ZBED4: variants seen among roughly 807,000 people sequenced by gnomAD.
The protein encoded by ZBED4 is zinc finger BED-type containing 4.
Under a neutral mutation model 15.5 loss-of-function variants are expected in ZBED4, and 4 were observed. The ratio of observed to expected loss-of-function variants is 0.26; its 90% CI spans 0.13 to 0.59. The LOEUF is 0.59. Among genes scored for constraint, ZBED4 ranks in the 20% least tolerant of loss-of-function variants. The pLI, the probability that ZBED4 is intolerant of heterozygous loss-of-function variation, is 0.90. For synonymous variants in ZBED4, 692 were observed against 608.5 expected (o/e 1.14, Z -2.02); for missense variants, 1,323 against 1,461.8 (o/e 0.91, Z 1.55).
chr22:49,873,905 G>T (rs1290580767), intron 1 of ZBED4, among the ~76,000 whole-genome samples: 2 of 152,246 alleles, frequency 1.3e-5, no homozygotes, highest in Admixed American at 6.5e-5. Context: ...GAACATAAGG[G>T]CTGGGGAATG....
intron 1 of ZBED4, among the ~76,000 whole-genome samples, chr22:49,870,272 T>A (rs2060340418): frequency 6.6e-6 from 1 of 152,238 alleles, no homozygotes; most frequent in Admixed American, 6.5e-5. Context: ...TTGTAAATAG[T>A]GCTGTGATGA....
chr22:49,872,617 C>G (rs1322324631), intron 1 of ZBED4, among the ~76,000 whole-genome samples: 1 of 152,186 alleles, frequency 6.6e-6, no homozygotes, highest in Non-Finnish European at 1.5e-5. Flanking sequence ...GCAGTCTCAA[C>G]CTCTTGGTCT....
chr22:49,872,505 C>T (rs1358871333), intron 1 of ZBED4, among the ~76,000 whole-genome samples: 1 of 152,120 alleles, frequency 6.6e-6, no homozygotes, highest in East Asian at 1.9e-4. Context: ...TTGGTATTTT[C>T]CCGTCCCAGG....
Position 49,889,503 on chromosome 22 carries a change from C to G in ZBED4, c.*2325C>G, listed in dbSNP as rs561449844. On this transcript the variant is annotated 3_prime_UTR_variant, in exon 2 of 2. Transcript: ENST00000216268. Reference sequence around the variant, plus strand: ...TTTTTAAGCTTTCAGCTTCATGCTGCTGTATTTTTAGTTGAAGTGTTCTGA... The same window carrying G: ...TTTTTAAGCTTTCAGCTTCATGCTGGTGTATTTTTAGTTGAAGTGTTCTGA... 6.0e-6 allele frequency: 1 copy of G among 167,090 alleles called. No individual in the cohort carries two copies. The highest frequency in any genetic ancestry group is 1.9e-4 in the East Asian group (1 of 5,296). The allele number at this position is 167,090 out of a possible 1,614,324, so 10.4% of individuals were successfully genotyped here. A position where few individuals can be genotyped will look rare whatever the true frequency, so the allele number is the denominator to read the frequency against.
chr22:49,885,681 T>C lies in ZBED4; in HGVS notation c.2019T>C (p.Tyr673=). ...AEMIALDLQP[Y]SFVDNVGFNR... ...TGATTGCACTTGACCTCCAGCCATA[T>C]TCTTTTGTAGACAACGTTGGCTTTA... Residue 673 remains tyrosine (Y), a synonymous_variant, in exon 2 of 2, where the codon TAT becomes TAC. Transcript: ENST00000216268. The C allele has an allele frequency of 6.2e-7, 1 of 1,612,492 alleles. No individual in the cohort carries two copies. The highest frequency in any genetic ancestry group is 8.5e-7 in the Non-Finnish European group (1 of 1,178,620).
chr22:49,867,859 C>G (rs1360233425), intron 1 of ZBED4, among the ~76,000 whole-genome samples: 1 of 152,208 alleles, frequency 6.6e-6, no homozygotes, highest in African/African-American at 2.4e-5. Context: ...TTAGTCCAGC[C>G]CCCCTCAAAT....
chr22:49,864,184 C>A (rs1217837850), intron 1 of ZBED4, among the ~76,000 whole-genome samples: 1 of 152,228 alleles, frequency 6.6e-6, no homozygotes, highest in African/African-American at 2.4e-5. Context: ...GCAGGGCGTT[C>A]ACATGGGTGT....
Position 49,889,348 on chromosome 22 carries a change from G to A in ZBED4, c.*2170G>A, listed in dbSNP as rs980698219. The A allele has an allele frequency of 9.6e-5, 16 of 167,088 alleles. No homozygotes were observed. The highest frequency in any genetic ancestry group is 3.9e-4 in the African/African-American group (16 of 41,462). 10.4% of individuals were successfully genotyped at this position (167,088 alleles called of 1,614,324 possible). ...GCTGCGACGGGAGAACTGAATAGTT[G>A]TGACAGAGACCACAGGCCCACTGAA... On this transcript the variant is annotated 3_prime_UTR_variant, in exon 2 of 2. Coordinates refer to ENST00000216268, the MANE Select transcript of ZBED4 (RefSeq NM_014838.3).
At chr22:49,870,023 A>G (rs1315035024) in intron 1 of ZBED4, among the ~76,000 whole-genome samples, 2 of 152,136 alleles carry the variant, frequency 1.3e-5, no homozygotes, top group Admixed American at 1.3e-4. Context: ...TCTCATCTTT[A>G]TGTCCCTGTG....
chr22:49,874,066 C>G (rs775734189), intron 1 of ZBED4, among the ~76,000 whole-genome samples: 1 of 152,250 alleles, frequency 6.6e-6, no homozygotes. Flanking sequence ...AGAGGCCTTA[C>G]AACCTTTATG....
rs1247980051 is a variant in ZBED4, at chr22:49,884,717, A to T, written c.1055A>T (p.Tyr352Phe). 1.3e-6 allele frequency: 2 copies of T among 1,595,852 alleles called. No individual in the cohort carries two copies. Among genetic ancestry groups the T allele is most frequent in the East Asian group, 2.2e-5 (1 of 44,670 alleles). The change falls in exon 2 of 2, where the codon TAC becomes TTC. Residue 352 changes from tyrosine to phenylalanine, a missense_variant. By Grantham distance (22) the Tyr-to-Phe change is conservative. Coordinates refer to ENST00000216268, the MANE Select transcript of ZBED4 (RefSeq NM_014838.3). ...GGGGGCACGGGCATCCCGCCACTGTACTCCACCCCTCCCACTCTGCTGCCT... is the reference window on the plus strand; with the variant it reads ...GGGGGCACGGGCATCCCGCCACTGTTCTCCACCCCTCCCACTCTGCTGCCT... ...ENGGTGIPPL[Y>F]STPPTLLPSL...
At chr22:49,864,006 T>A (rs1601785403) in intron 1 of ZBED4, among the ~76,000 whole-genome samples, 1 of 152,322 alleles carries the variant, frequency 6.6e-6, no homozygotes, top group East Asian at 1.9e-4. Flanking sequence ...TGTGCTCATC[T>A]TGTATTTTTC....
rs2060460378 is a variant in ZBED4 at position 49,890,061 on chromosome 22, C to T, written c.*2883C>T. 6.1e-6 allele frequency: 1 copy of T among 164,758 alleles called. No individual in the cohort carries two copies. Among genetic ancestry groups the T allele is most frequent in the Admixed American group, 6.5e-5 (1 of 15,270 alleles). 10.2% of individuals were successfully genotyped at this position (164,758 alleles called of 1,614,324 possible). A position where few individuals can be genotyped will look rare whatever the true frequency, so the allele number is the denominator to read the frequency against. On this transcript the variant is annotated 3_prime_UTR_variant, in exon 2 of 2. Coordinates refer to ENST00000216268, the MANE Select transcript of ZBED4 (RefSeq NM_014838.3). The stretch of plus-strand genomic sequence containing the variant: ...GTAAAAGATGATAAAAAAATAAAAA[C>T]TTTATTTCTTGGCTGGGCACAGTGG...
chr22:49,856,507 G>A (rs1310548536), intron 1 of ZBED4, among the ~76,000 whole-genome samples: 5 of 152,246 alleles, frequency 3.3e-5, no homozygotes, highest in African/African-American at 9.6e-5. Context: ...TGCAGAGGCA[G>A]CCTCACGGCA....
Position 49,886,311 on chromosome 22 carries a change from C to T in ZBED4, c.2649C>T (p.His883=). The T allele has an allele frequency of 1.3e-6, 2 of 1,570,790 alleles. No homozygotes were observed. Among genetic ancestry groups the T allele is most frequent in the Non-Finnish European group, 1.7e-6 (2 of 1,148,980 alleles). ...GGGAGTACGCGCTGCCTCAGCATCA[C>T]CTCATCCAGGACGTCCCGTCCAAGT... The part of the protein sequence containing the change: ...LQREYALPQH[H]LIQDVPSKWS... Residue 883 remains histidine (H), a synonymous_variant, in exon 2 of 2, where the codon CAC becomes CAT. Coordinates refer to ENST00000216268, the MANE Select transcript of ZBED4 (RefSeq NM_014838.3). The surrounding 1 kb of genome is among the most constrained non-coding windows in gnomAD (Gnocchi z 7.7).
intron 1 of ZBED4, among the ~76,000 whole-genome samples, chr22:49,865,512 AC>A (rs2060318435): frequency 6.6e-6 from 1 of 151,558 alleles, no homozygotes; most frequent in Non-Finnish European, 1.5e-5. Context: ...AAAAATAATA[AC>A]CCGTCTCTAT....
chr22:49,869,200 TGGC>T (rs1052374562), intron 1 of ZBED4, among the ~76,000 whole-genome samples: 2 of 151,972 alleles, frequency 1.3e-5, no homozygotes, highest in African/African-American at 4.8e-5. Flanking sequence ...AGGGCAGAGT[TGGC>T]GGTGTCAGTG....
rs1160070541 is a variant in ZBED4, at chr22:49,884,954, A to G, written c.1292A>G (p.Gln431Arg). 1.2e-6 allele frequency: 2 copies of G among 1,611,632 alleles called. No individual in the cohort carries two copies. Among genetic ancestry groups the G allele is most frequent in the Non-Finnish European group, 1.7e-6 (2 of 1,178,656 alleles). The change falls in exon 2 of 2, where the codon CAG (glutamine) becomes CGG (arginine). Residue 431 changes from glutamine (Q) to arginine (R), a missense_variant. By Grantham distance (43) the Gln-to-Arg change is conservative. This residue lies in a region of ZBED4 where 429 missense variants were observed against 397.9 expected (regional missense o/e 1.08). Transcript: ENST00000216268. ...GEASASSPEKQQADGLSPRLF... is the reference protein window; with the variant it reads ...GEASASSPEKRQADGLSPRLF... ...GCCTCGGCGTCCTCTCCTGAGAAGC[A>G]GCAGGCTGATGGGCTGAGTCCTAGA... is the stretch of plus-strand genomic sequence containing the variant.
intron 1 of ZBED4, among the ~76,000 whole-genome samples, chr22:49,881,725 G>A (rs937015080): frequency 3.9e-5 from 6 of 152,046 alleles, no homozygotes; most frequent in African/African-American, 1.4e-4. Flanking sequence ...AGAGAACAGG[G>A]TCTTGTTTTT....
Sources: allele counts gnomAD v4.1 joint callset (sites outside exome capture counted in the v4.1 genomes callset), GRCh38; gene constraint gnomAD v4.1.1; regional missense constraint gnomAD v4.1.1; non-coding constraint Gnocchi (gnomAD v3.1); transcripts MANE v1.5; gene names NCBI Gene and HGNC (gene_info 2026-07-23, HGNC 2026-07-21).